TULP4: variants seen among roughly 807,000 people sequenced by gnomAD.
TULP4 encodes tubby-related protein 4.
In TULP4, 16 loss-of-function variants were observed where a neutral mutation model predicts 129.0. The ratio of observed to expected loss-of-function variants is 0.12; its 90% confidence interval spans 0.08 to 0.19. The LOEUF (loss-of-function observed/expected upper bound fraction) is 0.19. Ranked by LOEUF, TULP4 falls within the 10% of genes least tolerant of loss-of-function variation. The pLI is 1.00. For missense variants in TULP4, 1,842 were observed against 2,059.1 expected (o/e 0.89, Z 2.04); for synonymous variants, 998 against 854.0 (o/e 1.17, Z -2.94).
chr6:158,331,774 TATATACAC>T lies in TULP4; in HGVS notation c.252+17508_252+17515del, dbSNP rs1415067090. Among the ~76,000 whole-genome samples, 9 of 54,018 alleles carry T rather than the reference TATATACAC, an allele frequency of 1.7e-4. 2 individuals are homozygous for T. The East Asian group carries it at 2.5e-3, about 15-fold the overall frequency. The allele number at this position is 54,018 out of a possible 152,430, so 35.4% of individuals were successfully genotyped here. A position where few individuals can be genotyped will look rare whatever the true frequency, so the allele number is the denominator to read the frequency against. ...ATATACACGTGTATATATACACGTA[TATATACAC>T]ACACACATACCTACATACACACATT... On this transcript the variant is annotated intron_variant, in intron 1 of 13. Transcript: ENST00000367097.
intron 1 of TULP4, among the ~76,000 whole-genome samples, chr6:158,392,794 C>CTTTTTTGTTTTTTTTTTTTTTTT (rs1777615362): frequency 1.8e-5 from 1 of 54,642 alleles, no homozygotes; most frequent in Non-Finnish European, 3.0e-5. Flanking sequence ...ATTTGTATTT[C>CTTTTTTGTTTTTTTTTTTTTTTT]TTTTTTTTTT....
chr6:158,315,865 G>A (rs1779480765), intron 1 of TULP4, among the ~76,000 whole-genome samples: 2 of 152,228 alleles, frequency 1.3e-5, no homozygotes, highest in Admixed American at 6.5e-5. Context: ...TCCCATTTAT[G>A]AGGGCAGAGC....
chr6:158,276,561 A>G (rs534361636), intron 1 of TULP4, among the ~76,000 whole-genome samples: 4 of 151,982 alleles, frequency 2.6e-5, no homozygotes, highest in Non-Finnish European at 4.4e-5. Flanking sequence ...CTTAGTTGAC[A>G]ATGGAATGGT....
intron 3 of TULP4, among the ~76,000 whole-genome samples, chr6:158,448,156 C>A (rs1779093042): frequency 6.6e-6 from 1 of 152,176 alleles, no homozygotes; most frequent in Non-Finnish European, 1.5e-5. Context: ...CTTCCTCTAT[C>A]CAGATTGTTC....
chr6:158,246,023 G>GGGGGGGGGGT (rs113914160), intron 1 of TULP4, among the ~76,000 whole-genome samples: 1 of 145,822 alleles, frequency 6.9e-6, no homozygotes, highest in East Asian at 2.0e-4. Context: ...ACCCCTTAGG[G>GGGGGGGGGGT]GTGTGTGTGT....
rs141383854 is a variant in TULP4 at position 158,255,163 on chromosome 6, C to T, written n.68+22860C>T. ...CCTGTGGCCTCCCTCTGCATGGATC[C>T]TGTCATGTTTATGAATCCCCCTGCA... On this transcript the variant is annotated intron_variant and non_coding_transcript_variant, in intron 1 of 1. Coordinates refer to the TULP4 transcript ENST00000620026. Among the ~76,000 whole-genome samples the T allele has an allele frequency of 2.4e-4, 37 of 152,270 alleles. No individual in the cohort carries two copies. In the South Asian group the frequency reaches 5.2e-3, roughly 21 times the overall value.
chr6:158,478,286 C>G lies in TULP4; in HGVS notation c.1027-1465C>G, dbSNP rs146317222. ...AAAACCATTTTTTGGGGGACTTGAG[C>G]TCTAAGTTATGAATATTGTCTTAGG... is the stretch of plus-strand genomic sequence containing the variant. On this transcript the variant is annotated intron_variant, in intron 6 of 13. Coordinates refer to ENST00000367097, the MANE Select transcript of TULP4 (RefSeq NM_020245.5). Among the ~76,000 whole-genome samples, 3 of 152,168 alleles carry G rather than the reference C, an allele frequency of 2.0e-5. No homozygotes were observed. In the East Asian group the frequency reaches 5.8e-4, roughly 29 times the overall value.
intron 1 of TULP4, among the ~76,000 whole-genome samples, chr6:158,252,629 C>A (rs1778165391): frequency 1.3e-5 from 2 of 152,166 alleles, no homozygotes; most frequent in African/African-American, 4.8e-5. Context: ...CCGCCTCGGC[C>A]TCCCAAAGTG....
At chr6:158,450,752 GAA>G (rs11340391) in intron 4 of TULP4, among the ~76,000 whole-genome samples, 16 of 146,942 alleles carry the variant, frequency 1.1e-4, no homozygotes, top group East Asian at 2.0e-4. Context: ...TTTTATTATT[GAA>G]AAAAAAAAAA....
At chr6:158,348,171 A>T (rs202211961) in intron 1 of TULP4, among the ~76,000 whole-genome samples, 1 of 26,238 alleles carries the variant, frequency 3.8e-5, no homozygotes, top group African/African-American at 1.3e-4. Flanking sequence ...TTTTTTTTTA[A>T]GGTTTTTTTT....
chr6:158,311,254 G>T (rs1779344334), upstream of TULP4, among the ~76,000 whole-genome samples: 1 of 152,152 alleles, frequency 6.6e-6, no homozygotes, highest in Admixed American at 6.5e-5. Context: ...TTCCCTTTCA[G>T]TGTCCAGTTC....
At chr6:158,439,700 CTTTTTTTTTTTT>C (rs71030170) in intron 3 of TULP4, among the ~76,000 whole-genome samples, 42 of 68,248 alleles carry the variant, frequency 6.2e-4, no homozygotes, top group African/African-American at 1.9e-3. Context: ...ACTAGAGTTT[CTTTTTTTTTTTT>C]TTTTTTTTTT....
chr6:158,328,125 T>TGC (rs1456117238), intron 1 of TULP4, among the ~76,000 whole-genome samples: 19 of 52,166 alleles, frequency 3.6e-4, no homozygotes, highest in African/African-American at 1.0e-3. Flanking sequence ...TGTGTGTGTG[T>TGC]GTGCGTGCGT....
chr6:158,423,630 T>G (rs1778405123), intron 2 of TULP4, among the ~76,000 whole-genome samples: 1 of 79,968 alleles, frequency 1.3e-5, no homozygotes, highest in African/African-American at 6.0e-5. Context: ...TTTGTTTTTG[T>G]TTTTTGTTGT....
At chr6:158,411,772 G>T (rs1778105884) in intron 1 of TULP4, among the ~76,000 whole-genome samples, 1 of 152,156 alleles carries the variant, frequency 6.6e-6, no homozygotes, top group Non-Finnish European at 1.5e-5. Flanking sequence ...TGTGTCCATG[G>T]CATCGCTTTG....
chr6:158,459,604 CT>C (rs1395681688), intron 5 of TULP4, among the ~76,000 whole-genome samples: 1 of 145,470 alleles, frequency 6.9e-6, no homozygotes, highest in Non-Finnish European at 1.6e-5. Flanking sequence ...CAACAACCCA[CT>C]TTTCTGTTGG....
chr6:158,253,754 G>A (rs1562495508), intron 1 of TULP4, among the ~76,000 whole-genome samples: 1 of 152,196 alleles, frequency 6.6e-6, no homozygotes, highest in Non-Finnish European at 1.5e-5. Context: ...GACAGAATGT[G>A]CCGAGCATGG....
chr6:158,430,046 AT>A, intron 3 of TULP4, 149 bp downstream of exon 3: 1 of 736,014 alleles, frequency 1.4e-6, no homozygotes, highest in Non-Finnish European at 2.0e-6. Context: ...AAAAATTAAA[AT>A]AAAAATTCTA....
chr6:158,240,291 G>A (rs1777853062), intron 1 of TULP4, among the ~76,000 whole-genome samples: 1 of 87,272 alleles, frequency 1.1e-5, no homozygotes, highest in African/African-American at 3.9e-5. Flanking sequence ...AGTAGGGGTG[G>A]CCGGGCAGAG....
Sources: allele counts gnomAD v4.1 joint callset (sites outside exome capture counted in the v4.1 genomes callset), GRCh38; gene constraint gnomAD v4.1.1; transcripts MANE v1.5; gene names NCBI Gene and HGNC (gene_info 2026-07-23, HGNC 2026-07-21).